Variants in SCGB2B2 observed in about 807,000 individuals in gnomAD.
SCGB2B2 encodes secretoglobin family 2B member 2.
Under a neutral mutation model 7.6 loss-of-function variants are expected in SCGB2B2, and 11 were observed. The ratio of observed to expected loss-of-function variants is 1.45; its 90% CI spans 0.91 to 2.40. The LOEUF (loss-of-function observed/expected upper bound fraction) is 2.40, where lower values mean the gene tolerates loss of function less well. Ranked by LOEUF, SCGB2B2 falls within the 30% of genes most tolerant of loss-of-function variation. The pLI, the probability that SCGB2B2 is intolerant of heterozygous loss-of-function variation, is 0.00. For missense variants in SCGB2B2, 104 were observed against 115.4 expected (o/e 0.90, Z 0.45); for synonymous variants, 50 against 48.6 (o/e 1.03, Z -0.12).
chr19:34,631,602 G>A (rs1426057816), intron 1 of SCGB2B2, among the ~76,000 whole-genome samples: 4 of 152,086 alleles, frequency 2.6e-5, no homozygotes, highest in Non-Finnish European at 5.9e-5. Flanking sequence ...AAAGATTGCG[G>A]AGAAAAATTA....
rs898064933 is a variant in SCGB2B2 at position 34,652,663 on chromosome 19, C to G, written c.-2032+22967G>C. The stretch of plus-strand genomic sequence containing the variant: ...AATCAAAACCACATTCAGATATCAC[C>G]TCACCCCAGTTAGAATGGCTACTAT... On this transcript the variant is annotated intron_variant, in intron 1 of 3. Transcript: ENST00000601241. Among the ~76,000 whole-genome samples the G allele has an allele frequency of 4.0e-5, 6 of 151,298 alleles. No individual in the cohort carries two copies. In the East Asian group the frequency reaches 5.8e-4, roughly 15 times the overall value.
intron 1 of SCGB2B2, among the ~76,000 whole-genome samples, chr19:34,630,764 G>GTA (rs2066506863): frequency 6.6e-6 from 1 of 152,070 alleles, no homozygotes; most frequent in Non-Finnish European, 1.5e-5. Flanking sequence ...GCATTACTGG[G>GTA]TATATACCCA....
At chr19:34,656,819 T>C (rs1303388691) in intron 1 of SCGB2B2, among the ~76,000 whole-genome samples, 1 of 151,274 alleles carries the variant, frequency 6.6e-6, no homozygotes, top group Non-Finnish European at 1.5e-5. Flanking sequence ...ATTTAACAAT[T>C]TATGTAAGAT....
At chr19:34,602,583 G>A (rs528069375) in intron 1 of SCGB2B2, among the ~76,000 whole-genome samples, 15 of 152,152 alleles carry the variant, frequency 9.9e-5, no homozygotes, top group Admixed American at 3.3e-4. Context: ...GAGATAAGGC[G>A]GGAAATGAAA....
chr19:34,658,832 A>G lies in SCGB2B2; in HGVS notation c.-2032+16798T>C, dbSNP rs867100063. On this transcript the variant is annotated intron_variant, in intron 1 of 3. Transcript: ENST00000601241. ...CAACAACAAAAAAAAAAAAAAAAAA[A>G]AAAGAGAGAGAATTTTAGGCCAATA... 4.9e-3 allele frequency among the ~76,000 whole-genome samples: 729 copies of G among 148,654 alleles called. 8 individuals carry two copies. Among genetic ancestry groups the G allele is most frequent in the South Asian group, 0.035 (157 of 4,508 alleles).
At position 34,592,793 on chromosome 19, in the gene SCGB2B2, T is replaced by C. The variant is rs945093883; in HGVS notation, c.*762A>G. Among the ~76,000 whole-genome samples the C allele has an allele frequency of 1.2e-4, 18 of 152,120 alleles. No individual in the cohort carries two copies. Among genetic ancestry groups the C allele is most frequent in the African/African-American group, 3.4e-4 (14 of 41,430 alleles). The stretch of plus-strand genomic sequence containing the variant: ...ACACAGACCCATGGCCTCATGCAGA[T>C]TGCCTGGTCCCACCAGCCCCAGGAG... On this transcript the variant is annotated 3_prime_UTR_variant, in exon 4 of 4. Coordinates refer to ENST00000601241, the MANE Select transcript of SCGB2B2 (RefSeq NM_001025591.4).
At chr19:34,597,692 TC>T (rs149332771) in intron 1 of SCGB2B2, among the ~76,000 whole-genome samples, 2,647 of 152,284 alleles carry the variant, frequency 0.017, 56 homozygotes, top group East Asian at 0.12. Flanking sequence ...CGCGAGGCCT[TC>T]CCTGCACCCT....
intron 1 of SCGB2B2, among the ~76,000 whole-genome samples, chr19:34,654,104 C>T (rs1187660019): frequency 6.6e-6 from 1 of 150,998 alleles, no homozygotes; most frequent in Admixed American, 6.6e-5. Context: ...CTGATTTTTA[C>T]AAGTGTCAAA....
chr19:34,590,234 C>A (rs928555507), downstream of SCGB2B2, among the ~76,000 whole-genome samples: 3 of 152,174 alleles, frequency 2.0e-5, no homozygotes, highest in Non-Finnish European at 4.4e-5. Flanking sequence ...AGGTCCTGCA[C>A]AGCCCAAGGA....
intron 1 of SCGB2B2, among the ~76,000 whole-genome samples, chr19:34,612,937 T>A (rs7260277): frequency 0.32 from 47,952 of 152,116 alleles, 8,404 homozygotes; most frequent in Middle Eastern, 0.47. Context: ...TTATTAATGA[T>A]CCTTTGTCAT....
intron 1 of SCGB2B2, among the ~76,000 whole-genome samples, chr19:34,670,642 T>C (rs1450410663): frequency 6.6e-6 from 1 of 152,250 alleles, no homozygotes; most frequent in Non-Finnish European, 1.5e-5. Flanking sequence ...CTTCTTCAGA[T>C]ATGTGGTTTG....
At chr19:34,614,496 T>C (rs753093995) in intron 1 of SCGB2B2, among the ~76,000 whole-genome samples, 58 of 152,194 alleles carry the variant, frequency 3.8e-4, no homozygotes, top group Non-Finnish European at 7.5e-4. Flanking sequence ...GAATTTCTGA[T>C]TCATATCATA....
At chr19:34,654,102 T>C (rs1253071855) in intron 1 of SCGB2B2, among the ~76,000 whole-genome samples, 1 of 151,298 alleles carries the variant, frequency 6.6e-6, no homozygotes, top group Non-Finnish European at 1.5e-5. Flanking sequence ...TTCTGATTTT[T>C]ACAAGTGTCA....
At chr19:34,675,327 G>A (rs1334631569) in intron 1 of SCGB2B2, among the ~76,000 whole-genome samples, 1 of 152,158 alleles carries the variant, frequency 6.6e-6, no homozygotes, top group Non-Finnish European at 1.5e-5. Flanking sequence ...TTGAGAGGAA[G>A]CCAGCTGATG....
In SCGB2B2 at chr19:34,591,565, T is replaced by C. The variant is rs755009769; in HGVS notation, c.*1990A>G. 6.6e-6 allele frequency among the ~76,000 whole-genome samples: 1 copy of C among 152,242 alleles called. No homozygotes were observed. ...CTCATCCCCTCCCAGGATTTTTCAC[T>C]GCACATGGAAAGGATCCACCTTTCT... On this transcript the variant is annotated 3_prime_UTR_variant, in exon 4 of 4. Transcript: ENST00000601241.
At chr19:34,597,275 C>A (rs1432224498) in intron 1 of SCGB2B2, among the ~76,000 whole-genome samples, 3 of 152,156 alleles carry the variant, frequency 2.0e-5, no homozygotes, top group Non-Finnish European at 4.4e-5. Context: ...CCACCATGCC[C>A]ACCTGAGGTT....
At chr19:34,635,445 C>A in intron 1 of SCGB2B2, 1 of 301,616 alleles carries the variant, frequency 3.3e-6, no homozygotes, top group South Asian at 4.0e-5. Flanking sequence ...AGGCCTCTCT[C>A]CAGCGTGAAC....
Position 34,676,428 on chromosome 19 carries a change from G to A in SCGB2B2, c.-2830C>T, listed in dbSNP as rs1208325966. 3.3e-5 allele frequency: 5 copies of A among 152,194 alleles called. No individual in the cohort carries two copies. The highest frequency in any genetic ancestry group is 1.3e-4 in the Admixed American group (2 of 15,286). 9.4% of individuals were successfully genotyped at this position (152,194 alleles called of 1,614,324 possible). On this transcript the variant is annotated 5_prime_UTR_variant, in exon 1 of 4. Coordinates refer to ENST00000601241, the MANE Select transcript of SCGB2B2 (RefSeq NM_001025591.4). ...AAAAAGCTGGGAAGCCCTCAGCTCC[G>A]AGAAATTGAAATTGCCCACCTCTTT...
At chr19:34,635,481 CT>C (rs1568436985) in intron 1 of SCGB2B2, 2 of 281,742 alleles carry the variant, frequency 7.1e-6, no homozygotes, top group African/African-American at 2.3e-5. Flanking sequence ...AAGATGGGAG[CT>C]TTTTCTGTAG....
Sources: gnomAD v4.1 joint callset for allele counts (sites outside exome capture counted in the v4.1 genomes callset) on GRCh38, gnomAD v4.1.1 for gene constraint, MANE v1.5 for transcripts, NCBI Gene and HGNC (gene_info 2026-07-23, HGNC 2026-07-21) for gene names.